NNT: variants seen among roughly 807,000 people sequenced by gnomAD.
The protein encoded by NNT is nicotinamide nucleotide transhydrogenase.
In NNT, 50 loss-of-function variants were observed where a neutral mutation model predicts 104.8. The ratio of observed to expected loss-of-function variants is 0.48; its 90% CI spans 0.38 to 0.60. The LOEUF is 0.60. Among genes scored for constraint, NNT ranks in the 20% least tolerant of loss-of-function variants. The pLI, the probability that NNT is intolerant of heterozygous loss-of-function variation, is 0.00. For missense variants in NNT, 1,131 were observed against 1,330.7 expected (o/e 0.85, Z 2.33); for synonymous variants, 461 against 490.4 (o/e 0.94, Z 0.79).
At position 43,671,000 on chromosome 5, in the gene NNT, G is replaced by A. The variant is rs1346570949; in HGVS notation, c.2635-4511G>A. On this transcript the variant is annotated intron_variant, in intron 17 of 21. Transcript: ENST00000344920. Reference sequence around the variant, plus strand: ...GGTGCATATATATTTAGGATAGTTAGCTCTTCTTGTTGAATTGATCCCTTT... The same window carrying A: ...GGTGCATATATATTTAGGATAGTTAACTCTTCTTGTTGAATTGATCCCTTT... 3.9e-5 allele frequency among the ~76,000 whole-genome samples: 6 copies of A among 152,248 alleles called. No individual in the cohort carries two copies. In the East Asian group the frequency reaches 1.2e-3, roughly 29 times the overall value.
At chr5:43,698,081 T>TAC (rs113357086) in intron 19 of NNT, among the ~76,000 whole-genome samples, 6,053 of 150,124 alleles carry the variant, frequency 0.04, 202 homozygotes, top group African/African-American at 0.099. Flanking sequence ...TTTGGATATA[T>TAC]ACACACACAC....
At chr5:43,607,482 C>T (rs1036191392) in intron 1 of NNT, among the ~76,000 whole-genome samples, 1 of 152,182 alleles carries the variant, frequency 6.6e-6, no homozygotes, top group Non-Finnish European at 1.5e-5. Flanking sequence ...AAAACTGCCC[C>T]ACCCCTATCT....
At chr5:43,627,060 C>T (rs186438355) in intron 6 of NNT, among the ~76,000 whole-genome samples, 1 of 152,306 alleles carries the variant, frequency 6.6e-6, no homozygotes, top group East Asian at 1.9e-4. Flanking sequence ...AGGGGAATGA[C>T]TTCCTTTTCA....
At chr5:43,669,617 C>T (rs1740934233) in intron 17 of NNT, among the ~76,000 whole-genome samples, 1 of 152,078 alleles carries the variant, frequency 6.6e-6, no homozygotes, top group Non-Finnish European at 1.5e-5. Flanking sequence ...AGCCTTGCAT[C>T]CCAGGGATGA....
rs1209144859 is a variant in NNT, at chr5:43,603,306, G to T, written c.-54+12G>T. 2 of 152,600 alleles carry T rather than the reference G, an allele frequency of 1.3e-5. No individual in the cohort carries two copies. Among genetic ancestry groups the T allele is most frequent in the Non-Finnish European group, 2.9e-5 (2 of 68,358 alleles). 9.5% of individuals were successfully genotyped at this position (152,600 alleles called of 1,614,324 possible). ...GCCTCCCGGCCCAGGTGAGCGCGAC[G>T]GCACTGGCGGGTGCGGGCAGCCGGG... is the stretch of plus-strand genomic sequence containing the variant. On this transcript the variant is annotated intron_variant, in intron 1 of 21. Transcript: ENST00000344920.
At chr5:43,686,783 G>T in intron 19 of NNT, among the ~76,000 whole-genome samples, 2 of 152,086 alleles carry the variant, frequency 1.3e-5, no homozygotes, top group East Asian at 3.8e-4. Context: ...AAAGCACTTT[G>T]TATGAAAAGC....
rs182597606 is a variant in NNT at position 43,699,191 on chromosome 5, C to G, written c.2877-928C>G. Reference sequence around the variant, plus strand: ...TGCTTGATGCTTTGGGGTCCTTTACCTTAAGTGTAGAGCTCTGCTTGTGTA... The same window carrying G: ...TGCTTGATGCTTTGGGGTCCTTTACGTTAAGTGTAGAGCTCTGCTTGTGTA... On this transcript the variant is annotated intron_variant, in intron 19 of 21. Transcript: ENST00000344920. Among the ~76,000 whole-genome samples the G allele has an allele frequency of 9.1e-3, 1,377 of 151,980 alleles. 25 individuals are homozygous for G. The highest frequency in any genetic ancestry group is 0.032 in the African/African-American group (1,335 of 41,454).
intron 3 of NNT, chr5:43,613,415 G>C: frequency 2.9e-6 from 1 of 347,192 alleles, no homozygotes; most frequent in Non-Finnish European, 5.3e-6. Flanking sequence ...GGAAAAATTT[G>C]TTCTACATGG....
chr5:43,672,297 C>T (rs941908827), intron 17 of NNT, among the ~76,000 whole-genome samples: 2 of 152,240 alleles, frequency 1.3e-5, no homozygotes, highest in African/African-American at 4.8e-5. Context: ...CAAAGTCATT[C>T]TCCATCCAGC....
rs751023637 is a variant in NNT, at chr5:43,612,931, G to T, written c.175G>T (p.Val59Phe). ...AGGAATTCCATATAAGCAACTGACT[G>T]TTGGAGTCCCCAAAGAGATATTCCA... Reference protein sequence around the residue: ...KPGIPYKQLTVGVPKEIFQNE... With the variant: ...KPGIPYKQLTFGVPKEIFQNE... Residue 59 changes from valine to phenylalanine, a missense_variant, in exon 3 of 22, where the codon GTT becomes TTT. Physicochemically the swap from Val to Phe is conservative, Grantham distance 50 (BLOSUM62 -1). Coordinates refer to ENST00000344920, the MANE Select transcript of NNT (RefSeq NM_182977.3). 1 of 1,613,442 alleles carries T rather than the reference G, an allele frequency of 6.2e-7. No individual in the cohort carries two copies. The highest frequency in any genetic ancestry group is 1.1e-5 in the South Asian group (1 of 91,054).
At chr5:43,659,719 T>C (rs925678383) in intron 17 of NNT, among the ~76,000 whole-genome samples, 4 of 151,680 alleles carry the variant, frequency 2.6e-5, no homozygotes, top group African/African-American at 4.8e-5. Context: ...ATAGCGAGAC[T>C]CCATCTCAAA....
intron 7 of NNT, among the ~76,000 whole-genome samples, chr5:43,640,336 T>C (rs1751162951): frequency 6.6e-6 from 1 of 152,170 alleles, no homozygotes; most frequent in Non-Finnish European, 1.5e-5. Flanking sequence ...CTCCCTTTAT[T>C]GTGTTTTGGT....
rs1741492789 is a variant in NNT, at chr5:43,677,717, C to G, written c.2795-8C>G. On this transcript the variant is annotated splice_polypyrimidine_tract_variant and splice_region_variant and intron_variant, in intron 18 of 21. Transcript: ENST00000344920. The stretch of plus-strand genomic sequence containing the variant: ...CACATTCTTCTGTGTTCTTAATGTT[C>G]CTTGCAGGCTATGGTCTCTGTGCAG... 6.2e-7 allele frequency: 1 copy of G among 1,611,120 alleles called. No homozygotes were observed. The highest frequency in any genetic ancestry group is 2.2e-5 in the East Asian group (1 of 44,868).
chr5:43,644,474 T>G (rs1156323983), intron 8 of NNT, 137 bp from the exon 9 acceptor site: 2 of 1,180,958 alleles, frequency 1.7e-6, no homozygotes, highest in Non-Finnish European at 2.4e-6. Flanking sequence ...GAAATATGTA[T>G]TTGTTTATGG....
At chr5:43,667,654 A>C (rs1482689436) in intron 17 of NNT, among the ~76,000 whole-genome samples, 1 of 152,062 alleles carries the variant, frequency 6.6e-6, no homozygotes, top group African/African-American at 2.4e-5. Context: ...CATTTTCTTA[A>C]TCCAGTCTAT....
intron 17 of NNT, among the ~76,000 whole-genome samples, chr5:43,673,637 G>A (rs921358606): frequency 5.9e-5 from 9 of 152,144 alleles, no homozygotes; most frequent in African/African-American, 2.2e-4. Flanking sequence ...GGCTATTTGT[G>A]TTTCCATTAA....
At chr5:43,694,584 A>G (rs1199384206) in intron 19 of NNT, among the ~76,000 whole-genome samples, 1 of 152,174 alleles carries the variant, frequency 6.6e-6, no homozygotes, top group African/African-American at 2.4e-5. Flanking sequence ...AATCACGTTT[A>G]TTGATTTGCA....
chr5:43,693,738 C>T (rs1742410260), intron 19 of NNT, among the ~76,000 whole-genome samples: 1 of 152,066 alleles, frequency 6.6e-6, no homozygotes, highest in African/African-American at 2.4e-5. Context: ...GTTGAACTAG[C>T]TGTAATATTG....
At chr5:43,610,428 A>T (rs563114399) in intron 2 of NNT, among the ~76,000 whole-genome samples, 1 of 152,136 alleles carries the variant, frequency 6.6e-6, no homozygotes, top group Admixed American at 6.6e-5. Flanking sequence ...TGTAAGGGAG[A>T]CTTGGACATT....
Sources: allele counts gnomAD v4.1 joint callset (sites outside exome capture counted in the v4.1 genomes callset), GRCh38; gene constraint gnomAD v4.1.1; transcripts MANE v1.5; gene names NCBI Gene and HGNC (gene_info 2026-07-23, HGNC 2026-07-21).